The following WDPCP variants were observed in gnomAD, a reference collection of about 807,000 sequenced individuals.
The protein encoded by WDPCP is WD repeat-containing and planar cell polarity effector protein fritz homolog.
WDPCP carries 71 observed loss-of-function variants against 93.1 expected under a neutral mutation model. The observed-to-expected ratio is 0.76, with a 90% confidence interval of 0.63 to 0.93. The LOEUF (loss-of-function observed/expected upper bound fraction) is 0.93. Among genes scored for constraint, WDPCP ranks in the 40% least tolerant of loss-of-function variants. The pLI, the probability that WDPCP is intolerant of heterozygous loss-of-function variation, is 0.00. For synonymous variants in WDPCP, 315 were observed against 315.0 expected (o/e 1.00, Z 0.00); for missense variants, 844 against 887.4 (o/e 0.95, Z 0.62).
intron 2 of WDPCP, among the ~76,000 whole-genome samples, chr2:63,801,466 A>G (rs1670692480): frequency 6.6e-6 from 1 of 152,116 alleles, no homozygotes. Context: ...GCAAAAGAAC[A>G]AAGCTCCCAC....
chr2:63,687,905 A>C (rs1668832851), intron 2 of WDPCP, among the ~76,000 whole-genome samples: 1 of 152,256 alleles, frequency 6.6e-6, no homozygotes, highest in Non-Finnish European at 1.5e-5. Flanking sequence ...TTGCAGCACT[A>C]TTCACAATAG....
intron 17 of WDPCP, among the ~76,000 whole-genome samples, chr2:63,144,593 AT>A (rs1559151901): frequency 6.6e-6 from 1 of 152,136 alleles, no homozygotes; most frequent in Non-Finnish European, 1.5e-5. Flanking sequence ...AAGTTTCCTG[AT>A]TTTTTGGTTG....
chr2:63,735,333 T>TA (rs1248294183), intron 2 of WDPCP, among the ~76,000 whole-genome samples: 3 of 151,618 alleles, frequency 2.0e-5, no homozygotes, highest in Non-Finnish European at 4.4e-5. Flanking sequence ...TAAGGAGAGG[T>TA]AGAATCTGAA....
intron 14 of WDPCP, among the ~76,000 whole-genome samples, chr2:63,235,914 C>T (rs1177433337): frequency 6.6e-6 from 1 of 152,154 alleles, no homozygotes; most frequent in Admixed American, 6.5e-5. Flanking sequence ...AAACTGGAAG[C>T]ATTCCCCTTA....
At position 63,433,792 on chromosome 2, in the gene WDPCP, C is replaced by T; in HGVS notation, c.778G>A (p.Asp260Asn). ...WPWAPISSEK[D>N]RANLLLLGYA... ...CCCAGGAGGAGTAGATTGGCTCTGT[C>T]CTTCTCAGAAGAAATGGGGGCCCAA... Residue 260 changes from aspartate (D) to asparagine (N), a missense_variant, in exon 9 of 18, where the codon GAC (aspartate) becomes AAC (asparagine). Transcript: ENST00000272321. The T allele has an allele frequency of 6.2e-7, 1 of 1,612,320 alleles. No individual in the cohort carries two copies. Among genetic ancestry groups the T allele is most frequent in the Non-Finnish European group, 8.5e-7 (1 of 1,178,448 alleles).
At chr2:63,545,374 G>A (rs537938335) in intron 1 of WDPCP, among the ~76,000 whole-genome samples, 10 of 150,844 alleles carry the variant, frequency 6.6e-5, no homozygotes, top group Non-Finnish European at 1.0e-4. Context: ...AGGAGGGAGA[G>A]AAAGAGAAAG....
chr2:63,358,525 T>G (rs1376975803), intron 12 of WDPCP, among the ~76,000 whole-genome samples: 5 of 152,150 alleles, frequency 3.3e-5, no homozygotes, highest in Admixed American at 3.3e-4. Context: ...GCAGTGCAGG[T>G]GCAGTCACAG....
chr2:63,520,849 A>C (rs972479651), intron 1 of WDPCP, among the ~76,000 whole-genome samples: 1 of 146,668 alleles, frequency 6.8e-6, no homozygotes, highest in African/African-American at 2.5e-5. Flanking sequence ...GTGAGCCATG[A>C]TTGTGCCACG....
intron 1 of WDPCP, among the ~76,000 whole-genome samples, chr2:63,823,612 CTCTG>C (rs1327213037): frequency 1.3e-5 from 2 of 152,114 alleles, no homozygotes; most frequent in African/African-American, 4.8e-5. Context: ...TTTGTTTTCT[CTCTG>C]TCTCTTTTTC....
At chr2:63,592,568 A>T (rs896357558), upstream of WDPCP, among the ~76,000 whole-genome samples, 1 of 152,026 alleles carries the variant, frequency 6.6e-6, no homozygotes, top group Admixed American at 6.6e-5. Context: ...CTGGTCTCGA[A>T]CTCCTGGGCT....
intron 2 of WDPCP, among the ~76,000 whole-genome samples, chr2:63,651,195 A>G (rs1334051324): frequency 6.6e-6 from 1 of 152,152 alleles, no homozygotes; most frequent in African/African-American, 2.4e-5. Context: ...GGAAAATTCT[A>G]TTTTTTTAAA....
chr2:63,565,636 T>C (rs1175676904), intron 1 of WDPCP, among the ~76,000 whole-genome samples: 4 of 152,296 alleles, frequency 2.6e-5, no homozygotes, highest in Admixed American at 1.3e-4. Flanking sequence ...TATTGATAGA[T>C]AATCTTAAAA....
intron 2 of WDPCP, among the ~76,000 whole-genome samples, chr2:63,490,368 T>A (rs925275673): frequency 6.6e-6 from 1 of 152,160 alleles, no homozygotes; most frequent in African/African-American, 2.4e-5. Flanking sequence ...AGCATCAGGC[T>A]ACAACTCTCA....
In WDPCP at chr2:63,492,930, G is replaced by A. The variant is rs1316436299; in HGVS notation, c.86C>T (p.Ser29Phe). 1 of 1,613,266 alleles carries A rather than the reference G, an allele frequency of 6.2e-7. No individual in the cohort carries two copies. The highest frequency in any genetic ancestry group is 8.5e-7 in the Non-Finnish European group (1 of 1,179,798). ...GCAGAAAGACATCTGATGGCAGAAGGAATCTCTATCCTGTTTAAAAAATAA... is the reference window on the plus strand; with the variant it reads ...GCAGAAAGACATCTGATGGCAGAAGAAATCTCTATCCTGTTTAAAAAATAA... Reference protein sequence around the residue: ...SSPLPRQDRDSFCHQMSFCLT... With the variant: ...SSPLPRQDRDFFCHQMSFCLT... Residue 29 changes from serine (S) to phenylalanine (F), a missense_variant, in exon 2 of 18, where the codon TCC becomes TTC. Transcript: ENST00000272321.
At chr2:63,203,289 G>A (rs151263781) in intron 14 of WDPCP, among the ~76,000 whole-genome samples, 6 of 152,078 alleles carry the variant, frequency 3.9e-5, no homozygotes, top group African/African-American at 1.4e-4. Context: ...ATCACCTCAG[G>A]CATTTATCCT....
At chr2:63,758,419 T>C (rs1299582738) in intron 2 of WDPCP, among the ~76,000 whole-genome samples, 1 of 151,394 alleles carries the variant, frequency 6.6e-6, no homozygotes, top group African/African-American at 2.4e-5. Flanking sequence ...TCAGGAGAGG[T>C]TCTGGAATCT....
intron 1 of WDPCP, among the ~76,000 whole-genome samples, chr2:63,535,084 C>T (rs1704174532): frequency 6.6e-6 from 1 of 152,098 alleles, no homozygotes; most frequent in Non-Finnish European, 1.5e-5. Context: ...AACAGAGAGC[C>T]AAATCATGAG....
At chr2:63,809,721 G>C (rs866226782) in intron 2 of WDPCP, among the ~76,000 whole-genome samples, 8 of 151,996 alleles carry the variant, frequency 5.3e-5, no homozygotes, top group South Asian at 2.1e-4. Context: ...CAGCATGCTC[G>C]TTAAGAGTCA....
At chr2:63,826,981 T>A (rs1399732677) in intron 1 of WDPCP, among the ~76,000 whole-genome samples, 2 of 152,176 alleles carry the variant, frequency 1.3e-5, no homozygotes, top group Non-Finnish European at 2.9e-5. Context: ...GTCTCCCATC[T>A]TTTGAAAAAT....
Sources: gnomAD v4.1 joint callset for allele counts (sites outside exome capture counted in the v4.1 genomes callset) on GRCh38, gnomAD v4.1.1 for gene constraint, MANE v1.5 for transcripts, NCBI Gene and HGNC (gene_info 2026-07-23, HGNC 2026-07-21) for gene names.